Variants in TCF7L2 observed in about 807,000 individuals in gnomAD.
The protein encoded by TCF7L2 is transcription factor 7-like 2.
A neutral mutation model predicts 77.9 loss-of-function variants in TCF7L2; 23 were observed. The observed-to-expected ratio is 0.30, with a 90% confidence interval of 0.21 to 0.42. The LOEUF is 0.42. Ranked by LOEUF, TCF7L2 falls within the 10% of genes least tolerant of loss-of-function variation. The pLI is 1.00. For missense variants in TCF7L2, 654 were observed against 793.1 expected, an observed-to-expected ratio of 0.82 and a Z score of 2.11; for synonymous variants, 413 against 340.2, an observed-to-expected ratio of 1.21 and a Z score of -2.36.
At chr10:113,021,052 G>A (rs749008908) in intron 4 of TCF7L2, among the ~76,000 whole-genome samples, 13 of 152,178 alleles carry the variant, frequency 8.5e-5, no homozygotes, top group South Asian at 4.2e-4. Context: ...CATAATGCCC[G>A]GCAAAGTGCT....
intron 4 of TCF7L2, among the ~76,000 whole-genome samples, chr10:113,012,578 A>C (rs368754250): frequency 8.5e-5 from 13 of 152,304 alleles, no homozygotes; most frequent in African/African-American, 2.9e-4. Flanking sequence ...TAATTTGATC[A>C]GAACCCAAAA....
rs566737876 is a variant in TCF7L2 at position 112,953,798 on chromosome 10, C to T, written c.381+2191C>T. Among the ~76,000 whole-genome samples the T allele has an allele frequency of 9.9e-5, 15 of 152,264 alleles. No individual in the cohort carries two copies. The East Asian group carries it at 2.5e-3, about 25-fold the overall frequency. ...CTTTTGTGGGCATTATAGGAATAGA[C>T]GGCGTCTAGTTATTTTAATTGTGGA... On this transcript the variant is annotated intron_variant, in intron 3 of 13. Coordinates refer to ENST00000627217, the MANE Select transcript of TCF7L2 (RefSeq NM_001146274.2).
chr10:113,053,083 A>G (rs916834510), intron 5 of TCF7L2, among the ~76,000 whole-genome samples: 14 of 152,212 alleles, frequency 9.2e-5, no homozygotes, highest in African/African-American at 1.2e-4. Context: ...TCTCATGCCA[A>G]CGATCTCATG....
chr10:113,161,446 C>G, intron 13 of TCF7L2: 1 of 944,700 alleles, frequency 1.1e-6, no homozygotes, highest in East Asian at 2.6e-5. Flanking sequence ...GGTCTCCATC[C>G]AGCCTGCATT....
At chr10:113,031,275 G>T (rs1269618873) in intron 4 of TCF7L2, among the ~76,000 whole-genome samples, 2 of 152,190 alleles carry the variant, frequency 1.3e-5, no homozygotes, top group Non-Finnish European at 2.9e-5. Flanking sequence ...GAAGTAAAAT[G>T]GAATCTTCAA....
intron 7 of TCF7L2, among the ~76,000 whole-genome samples, chr10:113,144,542 A>AC (rs1178090481): frequency 1.3e-5 from 2 of 151,972 alleles, no homozygotes; most frequent in Non-Finnish European, 2.9e-5. Flanking sequence ...TGATTCCAGG[A>AC]CCCCCCACCT....
At chr10:113,113,690 T>A (rs1276246201) in intron 5 of TCF7L2, among the ~76,000 whole-genome samples, 7 of 152,218 alleles carry the variant, frequency 4.6e-5, no homozygotes, top group Non-Finnish European at 7.3e-5. Flanking sequence ...AGAAATTAAA[T>A]TAGTTTTCCT....
At chr10:112,964,474 T>C in intron 3 of TCF7L2, 82 bp from the exon 4 acceptor site, 2 of 1,300,844 alleles carry the variant, frequency 1.5e-6, no homozygotes, top group Non-Finnish European at 2.2e-6. Context: ...GGAAGGTTTG[T>C]CTGCTATTCA....
At chr10:113,059,870 C>T (rs1488415644) in intron 5 of TCF7L2, among the ~76,000 whole-genome samples, 2 of 152,154 alleles carry the variant, frequency 1.3e-5, no homozygotes, top group Non-Finnish European at 2.9e-5. Context: ...CCTTAATTAT[C>T]TGCCATTCAC....
intron 4 of TCF7L2, among the ~76,000 whole-genome samples, chr10:112,987,113 C>T (rs1307658543): frequency 6.6e-6 from 1 of 152,064 alleles, no homozygotes; most frequent in African/African-American, 2.4e-5. Context: ...TTTAAAAATA[C>T]TTACCGAGCA....
At chr10:113,003,548 T>C (rs1564771032) in intron 4 of TCF7L2, among the ~76,000 whole-genome samples, 1 of 152,196 alleles carries the variant, frequency 6.6e-6, no homozygotes, top group Non-Finnish European at 1.5e-5. Flanking sequence ...CATCATGTTA[T>C]CTTTGCTTCT....
At chr10:113,105,776 T>TA (rs2062226682) in intron 5 of TCF7L2, among the ~76,000 whole-genome samples, 1 of 152,162 alleles carries the variant, frequency 6.6e-6, no homozygotes, top group South Asian at 2.1e-4. Context: ...TCCAGGGTCT[T>TA]ACAGTTTAGA....
At chr10:113,070,175 GA>G (rs1370370319) in intron 5 of TCF7L2, among the ~76,000 whole-genome samples, 2 of 151,052 alleles carry the variant, frequency 1.3e-5, no homozygotes, top group African/African-American at 4.9e-5. Flanking sequence ...AGAATCCCTT[GA>G]ACCAGTGAGT....
chr10:113,013,630 C>T (rs1027041516), intron 4 of TCF7L2, among the ~76,000 whole-genome samples: 4 of 152,100 alleles, frequency 2.6e-5, no homozygotes, highest in African/African-American at 7.2e-5. Context: ...GATTTGGGGT[C>T]AGCAGAAAGA....
intron 4 of TCF7L2, among the ~76,000 whole-genome samples, chr10:112,983,563 A>G (rs765535501): frequency 2.0e-5 from 3 of 152,230 alleles, no homozygotes; most frequent in South Asian, 4.1e-4. Context: ...TTGCGAACCT[A>G]TTAACACTCC....
At position 113,040,061 on chromosome 10, in the gene TCF7L2, G is replaced by T. The variant is rs2134264578; in HGVS notation, c.487G>T (p.Ala163Ser). ...GAAATGGCCACTGCTTGATGTCCAGGCAGGGAGCCTCCAGAGTAGACAAGC... is the reference window on the plus strand; with the variant it reads ...GAAATGGCCACTGCTTGATGTCCAGTCAGGGAGCCTCCAGAGTAGACAAGC... Residue 163 changes from alanine (A) to serine (S), a missense_variant, in exon 5 of 14, where the codon GCA (alanine) becomes TCA (serine). Ala to Ser is a moderately conservative substitution (Grantham distance 99, BLOSUM62 1). Coordinates refer to ENST00000627217, the MANE Select transcript of TCF7L2 (RefSeq NM_001146274.2). 3 of 1,613,854 alleles carry T rather than the reference G, an allele frequency of 1.9e-6. No individual in the cohort carries two copies. Among genetic ancestry groups the T allele is most frequent in the Non-Finnish European group, 2.5e-6 (3 of 1,179,888 alleles).
intron 5 of TCF7L2, among the ~76,000 whole-genome samples, chr10:113,087,613 T>C (rs2059962042): frequency 6.6e-6 from 1 of 152,206 alleles, no homozygotes; most frequent in Non-Finnish European, 1.5e-5. Context: ...GAGGCTCTGC[T>C]TGCCAGACGG....
chr10:113,151,920 G>A lies in TCF7L2; in HGVS notation c.1161+36G>A, dbSNP rs115376570. On this transcript the variant is annotated intron_variant, in intron 10 of 13. Coordinates refer to ENST00000627217, the MANE Select transcript of TCF7L2 (RefSeq NM_001146274.2). This position sits in a 1 kb window ranked among gnomAD's most constrained non-coding sequence, Gnocchi z 5.2. ...CCCTTCTCAGGGAGAAGCGGGGGGC[G>A]GGTGGTGAGGGACCAGAGTGCAGCA... 392 of 1,571,590 alleles carry A rather than the reference G, an allele frequency of 2.5e-4. No homozygotes were observed. In the African/African-American group the frequency reaches 2.7e-3, roughly 11 times the overall value.
intron 5 of TCF7L2, among the ~76,000 whole-genome samples, chr10:113,124,424 A>G (rs1056807956): frequency 4.2e-4 from 64 of 152,318 alleles, no homozygotes; most frequent in African/African-American, 1.5e-3. Context: ...TAGATTAACC[A>G]TCACATCTGT....
Sources: allele counts gnomAD v4.1 joint callset (sites outside exome capture counted in the v4.1 genomes callset), GRCh38; gene constraint gnomAD v4.1.1; non-coding constraint Gnocchi (gnomAD v3.1); transcripts MANE v1.5; gene names NCBI Gene and HGNC (gene_info 2026-07-23, HGNC 2026-07-21).